Variants in ATL3 observed in about 807,000 individuals in gnomAD.
The protein encoded by ATL3 is atlastin-3.
In ATL3, 49 loss-of-function variants were observed where a neutral mutation model predicts 69.5. That is an observed-to-expected ratio of 0.71 (90% CI 0.56 to 0.89). The LOEUF is 0.89. Ranked by LOEUF, ATL3 falls within the 40% of genes least tolerant of loss-of-function variation. The pLI is 0.00. For missense variants in ATL3, 606 were observed against 645.7 expected, an observed-to-expected ratio of 0.94 and a Z score of 0.67; for synonymous variants, 214 against 224.1, an observed-to-expected ratio of 0.95 and a Z score of 0.40.
rs1195748071 is a variant in ATL3, at chr11:63,627,535, C to G, written c.*1784G>C. The G allele has an allele frequency of 6.6e-6, 1 of 152,258 alleles. No homozygotes were observed. Among genetic ancestry groups the G allele is most frequent in the East Asian group, 1.9e-4 (1 of 5,186 alleles). 9.4% of individuals were successfully genotyped at this position (152,258 alleles called of 1,614,324 possible). ...ACTTTTTTTCTACCTTCCATTCATA[C>G]TTCATGTATGTAAAGTTTACACTCA... On this transcript the variant is annotated 3_prime_UTR_variant, in exon 13 of 13. Coordinates refer to ENST00000398868, the MANE Select transcript of ATL3 (RefSeq NM_015459.5).
rs1939198482 is a variant in ATL3 at position 63,628,572 on chromosome 11, CTGTAA to C, written c.*742_*746del. ...CTTGGCCGGGCACGGTGGCTCACGC[CTGTAA>C]TCCCAGCACTTTGGGAGGCCAAGGC... On this transcript the variant is annotated 3_prime_UTR_variant, in exon 13 of 13. Transcript: ENST00000398868. The C allele has an allele frequency of 6.6e-6, 1 of 152,154 alleles. No homozygotes were observed. Among genetic ancestry groups the C allele is most frequent in the Non-Finnish European group, 1.5e-5 (1 of 68,070 alleles). The allele number at this position is 152,154 out of a possible 1,614,324, so 9.4% of individuals were successfully genotyped here. A position where few individuals can be genotyped will look rare whatever the true frequency, so the allele number is the denominator to read the frequency against.
chr11:63,652,556 T>TC lies in ATL3; in HGVS notation c.424dup (p.Asp142GlyfsTer7), dbSNP rs1398402286. 1.9e-6 allele frequency: 3 copies of TC among 1,610,654 alleles called. No individual in the cohort carries two copies. Among genetic ancestry groups the TC allele is most frequent in the Non-Finnish European group, 2.5e-6 (3 of 1,177,860 alleles). ...CTGGCTGTCAAATGCCCCCTGGGTA[T>TC]CCATCAGAACAACTGCAACCTAAAA... On this transcript the variant is annotated frameshift_variant, in exon 4 of 13. Transcript: ENST00000398868. LOFTEE classifies it high-confidence loss of function.
chr11:63,669,513 C>A (rs904444485), intron 1 of ATL3, among the ~76,000 whole-genome samples: 7 of 149,686 alleles, frequency 4.7e-5, no homozygotes, highest in East Asian at 2.0e-4. Context: ...CCACCCTGGG[C>A]GAGAGAGCAA....
Position 63,636,286 on chromosome 11 carries a change from A to C in ATL3, c.899T>G (p.Val300Gly). ...KEQLQALIPYVLNPSKLMEKE... is the reference protein window; with the variant it reads ...KEQLQALIPYGLNPSKLMEKE... ...TTCCATTAACTTAGATGGGTTTAAT[A>C]CATACGGTATCAGTGCCTGTAACTG... The change falls in exon 9 of 13, where the codon GTA becomes GGA. Residue 300 changes from valine to glycine, a missense_variant. By Grantham distance (109) the Val-to-Gly change is moderately radical. Transcript: ENST00000398868. The C allele has an allele frequency of 3.1e-6, 5 of 1,614,128 alleles. No homozygotes were observed. The highest frequency in any genetic ancestry group is 4.2e-6 in the Non-Finnish European group (5 of 1,180,022).
intron 1 of ATL3, among the ~76,000 whole-genome samples, chr11:63,668,254 T>C (rs1284698643): frequency 6.6e-6 from 1 of 152,154 alleles, no homozygotes; most frequent in African/African-American, 2.4e-5. Flanking sequence ...TGGCAGTCTT[T>C]AAGGTTTCTA....
chr11:63,640,812 G>A (rs773679883), intron 8 of ATL3, among the ~76,000 whole-genome samples: 1 of 151,932 alleles, frequency 6.6e-6, no homozygotes, highest in Admixed American at 6.6e-5. Flanking sequence ...ATGTTGGCCA[G>A]GCTGGTCTCA....
chr11:63,638,710 C>CA (rs1939598889), intron 8 of ATL3, among the ~76,000 whole-genome samples: 1 of 142,118 alleles, frequency 7.0e-6, no homozygotes, highest in Non-Finnish European at 1.5e-5. Context: ...GACTTTGTCT[C>CA]AAAAAACAAA....
chr11:63,643,526 A>G, intron 7 of ATL3, 31 bp from the exon 8 acceptor site: 3 of 1,590,392 alleles, frequency 1.9e-6, no homozygotes, highest in Non-Finnish European at 2.6e-6. Flanking sequence ...TTTACCAACC[A>G]AAAGTCATTT....
At chr11:63,629,477 A>G (rs1939234660) in intron 12 of ATL3, 72 bp from the exon 13 acceptor site, 11 of 1,320,650 alleles carry the variant, frequency 8.3e-6, no homozygotes, top group South Asian at 2.4e-5. Flanking sequence ...AAGTCCTTAA[A>G]CTTTCAAAAA....
intron 8 of ATL3, among the ~76,000 whole-genome samples, chr11:63,641,171 A>G (rs1397196529): frequency 6.6e-6 from 1 of 152,180 alleles, no homozygotes; most frequent in African/African-American, 2.4e-5. Context: ...TTACCAGTGC[A>G]TTTTATATAG....
Position 63,644,176 on chromosome 11 carries a change from C to T in ATL3, c.704G>A (p.Arg235His), listed in dbSNP as rs1939789878. 3 of 1,602,808 alleles carry T rather than the reference C, an allele frequency of 1.9e-6. No homozygotes were observed. Among genetic ancestry groups the T allele is most frequent in the Non-Finnish European group, 1.7e-6 (2 of 1,172,022 alleles). Reference sequence around the variant, plus strand: ...GATTATAGTCCCACTTACCTGTAAACGCTTATCCAAAAATGCCATTCCTCC... The same window carrying T: ...GATTATAGTCCCACTTACCTGTAAATGCTTATCCAAAAATGCCATTCCTCC... ...LQGGMAFLDKRLQVKEHQHEE... is the reference protein window; with the variant it reads ...LQGGMAFLDKHLQVKEHQHEE... Residue 235 changes from arginine to histidine, a missense_variant, in exon 7 of 13, where the codon CGT becomes CAT. Physicochemically the swap from Arg to His is conservative, Grantham distance 29 (BLOSUM62 0). Coordinates refer to ENST00000398868, the MANE Select transcript of ATL3 (RefSeq NM_015459.5).
At chr11:63,662,286 C>T (rs1940446207) in intron 1 of ATL3, among the ~76,000 whole-genome samples, 2 of 150,734 alleles carry the variant, frequency 1.3e-5, no homozygotes, top group Admixed American at 1.3e-4. Context: ...GGGAAGTTCA[C>T]AAAAAACTAC....
Position 63,667,575 on chromosome 11 carries a change from G to C in ATL3, c.46+3715C>G, listed in dbSNP as rs532389768. 3.9e-5 allele frequency among the ~76,000 whole-genome samples: 6 copies of C among 152,160 alleles called. No homozygotes were observed. In the East Asian group the frequency reaches 1.2e-3, roughly 29 times the overall value. On this transcript the variant is annotated intron_variant, in intron 1 of 12. Transcript: ENST00000398868. The stretch of plus-strand genomic sequence containing the variant: ...CCAAGAGTTTGAGACCAGCCTGACC[G>C]ATATAGTGGAACCCTGACTCTACTG...
chr11:63,641,728 T>C (rs1939707335), intron 8 of ATL3, among the ~76,000 whole-genome samples: 1 of 152,142 alleles, frequency 6.6e-6, no homozygotes, highest in Admixed American at 6.6e-5. Context: ...TTGTGGTAAT[T>C]GGTTAAAGGC....
chr11:63,641,896 ATG>A (rs1196051814), intron 8 of ATL3, among the ~76,000 whole-genome samples: 3 of 152,208 alleles, frequency 2.0e-5, no homozygotes, highest in Non-Finnish European at 4.4e-5. Flanking sequence ...GAAGAATGCC[ATG>A]TGTGTGTGTT....
intron 9 of ATL3, 131 bp downstream of exon 9, chr11:63,636,076 C>T (rs150353129): frequency 1.7e-6 from 2 of 1,147,826 alleles, no homozygotes; most frequent in Admixed American, 2.4e-5. Flanking sequence ...ACACCAAGGT[C>T]TCTGAAAATG....
intron 12 of ATL3, among the ~76,000 whole-genome samples, chr11:63,630,594 G>A (rs1049672798): frequency 9.2e-5 from 14 of 151,906 alleles, no homozygotes; most frequent in African/African-American, 2.7e-4. Context: ...TCAGGAGTTC[G>A]AGACCAGCCT....
chr11:63,652,825 A>G (rs566540141), intron 3 of ATL3, among the ~76,000 whole-genome samples: 1 of 152,212 alleles, frequency 6.6e-6, no homozygotes, highest in Non-Finnish European at 1.5e-5. Context: ...TGAAACAGAC[A>G]AAAGTTGAAA....
intron 3 of ATL3, among the ~76,000 whole-genome samples, chr11:63,658,268 C>CACA (rs1398938528): frequency 1.3e-5 from 2 of 152,268 alleles, no homozygotes; most frequent in African/African-American, 4.8e-5. Context: ...TGGATATACA[C>CACA]ACACCCACAA....
Sources: gnomAD v4.1 joint callset for allele counts (sites outside exome capture counted in the v4.1 genomes callset) on GRCh38, gnomAD v4.1.1 for gene constraint, MANE v1.5 for transcripts, NCBI Gene and HGNC (gene_info 2026-07-23, HGNC 2026-07-21) for gene names.